Variants in KCNK3 observed in about 807,000 individuals in gnomAD.
The protein encoded by KCNK3 is potassium two pore domain channel subfamily K member 3.
Under a neutral mutation model 27.3 loss-of-function variants are expected in KCNK3, and 9 were observed. The observed-to-expected ratio is 0.33, with a 90% CI of 0.20 to 0.57. The LOEUF (loss-of-function observed/expected upper bound fraction) is 0.57. Among genes scored for constraint, KCNK3 ranks in the 20% least tolerant of loss-of-function variants. The probability of loss-of-function intolerance (pLI) is 0.87; values close to 1 mark genes in which losing one functional copy is unlikely to be tolerated. For synonymous variants in KCNK3, 278 were observed against 273.8 expected (o/e 1.02, Z -0.15); for missense variants, 391 against 577.7 (o/e 0.68, Z 3.31).
Position 26,692,855 on chromosome 2 carries a change from G to A in KCNK3, c.-21G>A. On this transcript the variant is annotated 5_prime_UTR_variant, in exon 1 of 2. Coordinates refer to ENST00000302909, the MANE Select transcript of KCNK3 (RefSeq NM_002246.3). This position sits in a 1 kb window ranked among gnomAD's most constrained non-coding sequence, Gnocchi z 5.6. ...CGCGGGCCGGGGGCGCCGGGGGGCC[G>A]GCGGCGGCCCGGGCGGGACGATGAA... 4 of 1,218,752 alleles carry A rather than the reference G, an allele frequency of 3.3e-6. No individual in the cohort carries two copies. Among genetic ancestry groups the A allele is most frequent in the Non-Finnish European group, 4.1e-6 (4 of 978,836 alleles). 75.5% of individuals were successfully genotyped at this position (1,218,752 alleles called of 1,614,324 possible).
intron 1 of KCNK3, among the ~76,000 whole-genome samples, chr2:26,710,702 C>G (rs1458505531): frequency 6.6e-6 from 1 of 152,136 alleles, no homozygotes; most frequent in East Asian, 1.9e-4. Flanking sequence ...AGCTCTGACC[C>G]TTGGGATTCT....
intron 1 of KCNK3, among the ~76,000 whole-genome samples, chr2:26,725,525 C>T (rs941853749): frequency 6.6e-5 from 10 of 152,192 alleles, no homozygotes; most frequent in Non-Finnish European, 1.5e-4. Context: ...GTAGTGCCGG[C>T]CTGGAGGACA....
intron 1 of KCNK3, among the ~76,000 whole-genome samples, chr2:26,707,260 C>T (rs936584306): frequency 1.3e-5 from 2 of 152,222 alleles, no homozygotes; most frequent in East Asian, 1.9e-4. Context: ...TCACGGCTCC[C>T]ACAGTAGTCC....
chr2:26,716,757 A>T (rs1054906287), intron 1 of KCNK3, among the ~76,000 whole-genome samples: 1 of 152,206 alleles, frequency 6.6e-6, no homozygotes, highest in African/African-American at 2.4e-5. Context: ...CTAAAATACA[A>T]CTTTTCAGGG....
intron 1 of KCNK3, among the ~76,000 whole-genome samples, chr2:26,719,856 G>C (rs1663295637): frequency 6.6e-6 from 1 of 152,158 alleles, no homozygotes; most frequent in Non-Finnish European, 1.5e-5. Flanking sequence ...TGCAGCATAG[G>C]GCAGTAAAAG....
chr2:26,711,790 C>T (rs1663113025), intron 1 of KCNK3, among the ~76,000 whole-genome samples: 1 of 152,178 alleles, frequency 6.6e-6, no homozygotes. Context: ...AGAGGAGGAT[C>T]AGTGACAGAG....
rs1466217699 is a variant in KCNK3 at position 26,693,215 on chromosome 2, G to C, written c.283+57G>C. On this transcript the variant is annotated intron_variant, in intron 1 of 1. Transcript: ENST00000302909. This position sits in a 1 kb window ranked among gnomAD's most constrained non-coding sequence, Gnocchi z 5.5. Reference sequence around the variant, plus strand: ...CAGGGCTGGGCGCGGGGCTCCGGGAGTCGTCCGGGGCCGGCTGGGGCTGGG... The same window carrying C: ...CAGGGCTGGGCGCGGGGCTCCGGGACTCGTCCGGGGCCGGCTGGGGCTGGG... 1.5e-6 allele frequency: 2 copies of C among 1,318,932 alleles called. No homozygotes were observed. Among genetic ancestry groups the C allele is most frequent in the Admixed American group, 2.5e-5 (1 of 39,838 alleles). 81.7% of individuals were successfully genotyped at this position (1,318,932 alleles called of 1,614,324 possible).
intron 1 of KCNK3, among the ~76,000 whole-genome samples, chr2:26,696,773 G>A (rs1440829283): frequency 1.3e-5 from 2 of 152,140 alleles, no homozygotes; most frequent in African/African-American, 2.4e-5. Context: ...AAGGGGCTTC[G>A]GAGATCAGCT....
At chr2:26,716,372 T>C (rs908004043) in intron 1 of KCNK3, among the ~76,000 whole-genome samples, 2 of 152,188 alleles carry the variant, frequency 1.3e-5, no homozygotes, top group African/African-American at 4.8e-5. Context: ...CAAGGGATTA[T>C]TATTCTAGAA....
intron 1 of KCNK3, among the ~76,000 whole-genome samples, chr2:26,709,023 G>T (rs1427988506): frequency 6.6e-6 from 1 of 152,146 alleles, no homozygotes; most frequent in Non-Finnish European, 1.5e-5. Flanking sequence ...GGAGGAGAGG[G>T]CTGTAGGAGT....
chr2:26,696,062 GCAGCAGC>G (rs753939690), intron 1 of KCNK3, among the ~76,000 whole-genome samples: 2 of 152,202 alleles, frequency 1.3e-5, no homozygotes, highest in Non-Finnish European at 2.9e-5. Flanking sequence ...AAACCCAAGG[GCAGCAGC>G]CTGTGTTCAC....
Position 26,728,911 on chromosome 2 carries a change from C to T in KCNK3, c.*343C>T. ...CTGCTGGTACCCAGACCCCCACCTTCGGAGGGGACTTCATGTTCCGTGTAC... is the reference window on the plus strand; with the variant it reads ...CTGCTGGTACCCAGACCCCCACCTTTGGAGGGGACTTCATGTTCCGTGTAC... On this transcript the variant is annotated 3_prime_UTR_variant, in exon 2 of 2. Transcript: ENST00000302909. 1 of 260,930 alleles carries T rather than the reference C, an allele frequency of 3.8e-6. No homozygotes were observed. Among genetic ancestry groups the T allele is most frequent in the East Asian group, 6.7e-5 (1 of 14,976 alleles). The allele number at this position is 260,930 out of a possible 1,614,324, so 16.2% of individuals were successfully genotyped here. A position where few individuals can be genotyped will look rare whatever the true frequency, so the allele number is the denominator to read the frequency against.
chr2:26,705,045 G>A (rs1670355892), intron 1 of KCNK3, among the ~76,000 whole-genome samples: 1 of 152,016 alleles, frequency 6.6e-6, no homozygotes, highest in Non-Finnish European at 1.5e-5. Flanking sequence ...GCTCACTGCA[G>A]CCTCGACTTC....
intron 1 of KCNK3, among the ~76,000 whole-genome samples, chr2:26,716,045 C>G (rs1185954373): frequency 6.6e-6 from 1 of 152,200 alleles, no homozygotes; most frequent in Non-Finnish European, 1.5e-5. Flanking sequence ...GCGCTCGAGG[C>G]CCAGAGAGGG....
intron 1 of KCNK3, among the ~76,000 whole-genome samples, chr2:26,706,905 G>C (rs566709026): frequency 4.6e-5 from 7 of 152,214 alleles, no homozygotes; most frequent in African/African-American, 1.4e-4. Context: ...CCTGCCCCTG[G>C]CCTTGTCTGT....
At chr2:26,706,601 C>A (rs1316808601) in intron 1 of KCNK3, among the ~76,000 whole-genome samples, 4 of 152,162 alleles carry the variant, frequency 2.6e-5, no homozygotes, top group African/African-American at 9.7e-5. Context: ...CTTGGTCCAC[C>A]TCCAGGAGGG....
At position 26,732,971 on chromosome 2, in the gene KCNK3, G is replaced by A. The variant is rs983054513; in HGVS notation, c.*4403G>A. On this transcript the variant is annotated 3_prime_UTR_variant, in exon 2 of 2. Coordinates refer to ENST00000302909, the MANE Select transcript of KCNK3 (RefSeq NM_002246.3). Reference sequence around the variant, plus strand: ...ATTGTGACAGCTGGGCAGAGCAGTGGTGAACTGCACCCATGTCCCTGCTCA... The same window carrying A: ...ATTGTGACAGCTGGGCAGAGCAGTGATGAACTGCACCCATGTCCCTGCTCA... 8 of 152,236 alleles carry A rather than the reference G, an allele frequency of 5.3e-5. No individual in the cohort carries two copies. Among genetic ancestry groups the A allele is most frequent in the African/African-American group, 1.9e-4 (8 of 41,450 alleles). 9.4% of individuals were successfully genotyped at this position (152,236 alleles called of 1,614,324 possible).
rs1457736379 is a variant in KCNK3, at chr2:26,721,777, G to A, written c.284-5890G>A. Among the ~76,000 whole-genome samples the A allele has an allele frequency of 2.0e-5, 3 of 152,168 alleles. No individual in the cohort carries two copies. Among genetic ancestry groups the A allele is most frequent in the Non-Finnish European group, 4.4e-5 (3 of 68,044 alleles). Reference sequence around the variant, plus strand: ...ACTTCGGCATCAGCCCAGAGTTCACGGCCTTTGGGCACCTCAGGCCACAGG... The same window carrying A: ...ACTTCGGCATCAGCCCAGAGTTCACAGCCTTTGGGCACCTCAGGCCACAGG... On this transcript the variant is annotated intron_variant, in intron 1 of 1. Transcript: ENST00000302909. This position sits in a 1 kb window ranked among gnomAD's most constrained non-coding sequence, Gnocchi z 4.3.
At chr2:26,694,240 G>A (rs1380241256) in intron 1 of KCNK3, among the ~76,000 whole-genome samples, 3 of 152,110 alleles carry the variant, frequency 2.0e-5, no homozygotes, top group African/African-American at 4.8e-5. Flanking sequence ...CCCCAGCCCC[G>A]ACGTGCTTGG....
Sources: allele counts gnomAD v4.1 joint callset (sites outside exome capture counted in the v4.1 genomes callset), GRCh38; gene constraint gnomAD v4.1.1; non-coding constraint Gnocchi (gnomAD v3.1); transcripts MANE v1.5; gene names NCBI Gene and HGNC (gene_info 2026-07-23, HGNC 2026-07-21).